GABRA2: variants seen among roughly 807,000 people sequenced by gnomAD.
The protein encoded by GABRA2 is gamma-aminobutyric acid type A receptor subunit alpha2.
Under a neutral mutation model 48.7 loss-of-function variants are expected in GABRA2, and 16 were observed. The ratio of observed to expected loss-of-function variants is 0.33; its 90% CI spans 0.22 to 0.50. GABRA2 has a LOEUF of 0.50. GABRA2 is among the 20% of genes least tolerant of loss of function. GABRA2 has a pLI of 0.98. For missense variants in GABRA2, 275 were observed against 535.6 expected (o/e 0.51, Z 4.80); for synonymous variants, 185 against 184.5 (o/e 1.00, Z -0.02).
chr4:46,247,715 C>CT lies in GABRA2; in HGVS notation c.*2592dup, dbSNP rs1713970565. ...GGCCTTATTGTGATAAATTAAAATC[C>CT]TTTTAAATTTGTTTTTAAATTGGTT... On this transcript the variant is annotated 3_prime_UTR_variant, in exon 10 of 10. Coordinates refer to ENST00000381620, the MANE Select transcript of GABRA2 (RefSeq NM_000807.4). Among the ~76,000 whole-genome samples the CT allele has an allele frequency of 1.3e-5, 2 of 151,112 alleles. No individual in the cohort carries two copies. The highest frequency in any genetic ancestry group is 4.2e-4 in the South Asian group (2 of 4,806).
chr4:46,265,561 T>C, intron 8 of GABRA2, among the ~76,000 whole-genome samples: 1 of 149,266 alleles, frequency 6.7e-6, no homozygotes, highest in Non-Finnish European at 1.5e-5. Context: ...AGTAATTTGA[T>C]TTTTTTCTCT....
In GABRA2 at chr4:46,333,058, G is replaced by A. The variant is rs530853897; in HGVS notation, c.188-376C>T. ...TATTGTTTGATATAATCCTACATTC[G>A]ATGTTCAACTAAATATTTCAGTATC... On this transcript the variant is annotated intron_variant, in intron 3 of 9. Transcript: ENST00000381620. 7.2e-5 allele frequency among the ~76,000 whole-genome samples: 11 copies of A among 151,974 alleles called. No homozygotes were observed. The South Asian group carries it at 2.1e-3, about 29-fold the overall frequency.
intron 8 of GABRA2, among the ~76,000 whole-genome samples, chr4:46,301,464 A>G (rs746429610): frequency 1.1e-4 from 17 of 152,186 alleles, no homozygotes; most frequent in African/African-American, 3.1e-4. Context: ...ACGATGACCT[A>G]TAAGGCCCTT....
chr4:46,376,463 G>T (rs1715715751), intron 3 of GABRA2, among the ~76,000 whole-genome samples: 2 of 152,174 alleles, frequency 1.3e-5, no homozygotes, highest in African/African-American at 2.4e-5. Context: ...GCCTGAAACA[G>T]CCAAAGTAAG....
intron 8 of GABRA2, among the ~76,000 whole-genome samples, chr4:46,285,821 A>T (rs182531836): frequency 1.3e-4 from 20 of 151,744 alleles, no homozygotes; most frequent in African/African-American, 3.9e-4. Context: ...GGCCATACCT[A>T]TGGTTTTGGT....
At position 46,248,518 on chromosome 4, in the gene GABRA2, A is replaced by G. The variant is rs767897050; in HGVS notation, c.*1790T>C. 2.1e-4 allele frequency: 32 copies of G among 151,450 alleles called. 1 individual carries two copies. Among genetic ancestry groups the G allele is most frequent in the Non-Finnish European group, 4.1e-4 (28 of 67,608 alleles). 9.4% of individuals were successfully genotyped at this position (151,450 alleles called of 1,614,324 possible). On this transcript the variant is annotated 3_prime_UTR_variant, in exon 10 of 10. Coordinates refer to ENST00000381620, the MANE Select transcript of GABRA2 (RefSeq NM_000807.4). The stretch of plus-strand genomic sequence containing the variant: ...TCTTGTGAGGGAATTTTTAATGTCA[A>G]GGCTGTCTTCTTGGCAAATTCCGTT...
chr4:46,389,858 A>G lies in GABRA2; in HGVS notation c.-134T>C, dbSNP rs547921953. On this transcript the variant is annotated 5_prime_UTR_variant, in exon 1 of 10. Transcript: ENST00000381620. ...GAGAGAGAGAGAGAGAGAGAGAGAG[A>G]GAGACCGAGACTGCAGCAGCCAAGA... The G allele has an allele frequency of 4.4e-4, 428 of 963,958 alleles. No individual in the cohort carries two copies. The South Asian group carries it at 4.9e-3, about 11-fold the overall frequency. The allele number at this position is 963,958 out of a possible 1,614,324, so 59.7% of individuals were successfully genotyped here.
At chr4:46,383,021 T>C (rs1002008592) in intron 3 of GABRA2, among the ~76,000 whole-genome samples, 1 of 152,192 alleles carries the variant, frequency 6.6e-6, no homozygotes, top group African/African-American at 2.4e-5. Context: ...CTGAGTTTTC[T>C]ATTTGAAACG....
intron 3 of GABRA2, among the ~76,000 whole-genome samples, chr4:46,353,252 C>G (rs1299183363): frequency 6.6e-6 from 1 of 152,054 alleles, no homozygotes; most frequent in Non-Finnish European, 1.5e-5. Flanking sequence ...CAAAATATAT[C>G]CAGATTCCTA....
intron 8 of GABRA2, among the ~76,000 whole-genome samples, chr4:46,296,664 AAAAG>A (rs1724766766): frequency 6.6e-6 from 1 of 151,346 alleles, no homozygotes; most frequent in Non-Finnish European, 1.5e-5. Context: ...GGGAAAAAAA[AAAAG>A]AAAAAAAAAA....
chr4:46,312,800 T>C, intron 4 of GABRA2, 84 bp from the exon 5 acceptor site: 1 of 694,116 alleles, frequency 1.4e-6, no homozygotes. Flanking sequence ...ATATTCTAAT[T>C]AATTTAAACA....
rs1204479432 is a variant in GABRA2 at position 46,332,689 on chromosome 4, T to C, written c.188-7A>G. The C allele has an allele frequency of 6.7e-6, 10 of 1,500,418 alleles. No homozygotes were observed. The highest frequency in any genetic ancestry group is 1.4e-5 in the African/African-American group (1 of 72,838). 92.9% of individuals were successfully genotyped at this position (1,500,418 alleles called of 1,614,324 possible). A position where few individuals can be genotyped will look rare whatever the true frequency, so the allele number is the denominator to read the frequency against. ...AAGACTTCAGTAATACTGTCTAATA[T>C]GAGAAAAGAGATTGAATATAGATAT... is the stretch of plus-strand genomic sequence containing the variant. On this transcript the variant is annotated splice_polypyrimidine_tract_variant and splice_region_variant and intron_variant, in intron 3 of 9. Transcript: ENST00000381620.
intron 4 of GABRA2, among the ~76,000 whole-genome samples, chr4:46,315,129 G>T (rs2109710928): frequency 7.0e-6 from 1 of 143,408 alleles, no homozygotes; most frequent in South Asian, 2.2e-4. Context: ...ATTCACTTTA[G>T]TCTGCATCTG....
intron 8 of GABRA2, among the ~76,000 whole-genome samples, chr4:46,264,233 G>A (rs113446215): frequency 0.012 from 1,844 of 152,016 alleles, 16 homozygotes; most frequent in Non-Finnish European, 0.021. Flanking sequence ...GATGTGGTTC[G>A]TTAAGGGTCT....
intron 3 of GABRA2, chr4:46,363,776 G>C (rs989660794): frequency 6.6e-6 from 1 of 152,072 alleles, no homozygotes; most frequent in Non-Finnish European, 1.5e-5. Flanking sequence ...TAAACATTAT[G>C]AATGTACCAA....
At chr4:46,322,638 A>G (rs780748247) in intron 4 of GABRA2, among the ~76,000 whole-genome samples, 3 of 152,042 alleles carry the variant, frequency 2.0e-5, no homozygotes, top group East Asian at 1.9e-4. Flanking sequence ...AAGAATCGTG[A>G]CCACCTTCTT....
chr4:46,325,996 G>A (rs1482189144), intron 4 of GABRA2, among the ~76,000 whole-genome samples: 2 of 151,800 alleles, frequency 1.3e-5, no homozygotes, highest in East Asian at 3.9e-4. Context: ...GTTTGAATCA[G>A]GGTAGTGTAA....
intron 9 of GABRA2, among the ~76,000 whole-genome samples, chr4:46,253,885 A>C (rs925257755): frequency 6.6e-6 from 1 of 151,456 alleles, no homozygotes; most frequent in African/African-American, 2.4e-5. Context: ...AAGTCCCCTC[A>C]GTCCATTTAA....
chr4:46,374,478 T>C (rs1298401257), intron 3 of GABRA2, among the ~76,000 whole-genome samples: 1 of 152,176 alleles, frequency 6.6e-6, no homozygotes, highest in Non-Finnish European at 1.5e-5. Context: ...AAATAACGTA[T>C]TTTGTAATAC....
Sources: gnomAD v4.1 joint callset for allele counts (sites outside exome capture counted in the v4.1 genomes callset) on GRCh38, gnomAD v4.1.1 for gene constraint, MANE v1.5 for transcripts, NCBI Gene and HGNC (gene_info 2026-07-23, HGNC 2026-07-21) for gene names.